The following ASTN2 variants were observed in gnomAD, a reference collection of about 807,000 sequenced individuals.
ASTN2 encodes the protein astrotactin-2.
Under a neutral mutation model 139.8 loss-of-function variants are expected in ASTN2, and 54 were observed. The observed-to-expected ratio is 0.39, with a 90% CI of 0.31 to 0.48. The LOEUF (loss-of-function observed/expected upper bound fraction) is 0.48. Ranked by LOEUF, ASTN2 falls within the 20% of genes least tolerant of loss-of-function variation. The probability of loss-of-function intolerance (pLI) is 0.95; values close to 1 mark genes in which losing one functional copy is unlikely to be tolerated. For missense variants in ASTN2, 1,565 were observed against 1,725.1 expected, an observed-to-expected ratio of 0.91 and a Z score of 1.64; for synonymous variants, 756 against 719.5, an observed-to-expected ratio of 1.05 and a Z score of -0.81.
chr9:117,022,538 CT>C (rs1837914859), intron 6 of ASTN2, among the ~76,000 whole-genome samples: 1 of 152,006 alleles, frequency 6.6e-6, no homozygotes, highest in African/African-American at 2.4e-5. Context: ...GGAAAGTGCC[CT>C]GAGATTCTCC....
chr9:117,225,442 CG>C (rs1832673249), intron 2 of ASTN2, among the ~76,000 whole-genome samples: 1 of 149,888 alleles, frequency 6.7e-6, no homozygotes, highest in South Asian at 2.1e-4. Context: ...GGGCCAGGCA[CG>C]GTGGCTCACG....
chr9:116,557,837 A>C (rs1347516259), intron 19 of ASTN2, among the ~76,000 whole-genome samples: 1 of 152,232 alleles, frequency 6.6e-6, no homozygotes, highest in Non-Finnish European at 1.5e-5. Context: ...ATAAAACTTC[A>C]TAACAAACAA....
intron 1 of ASTN2, among the ~76,000 whole-genome samples, chr9:117,322,012 G>C (rs1000161920): frequency 6.6e-6 from 1 of 152,066 alleles, no homozygotes; most frequent in Non-Finnish European, 1.5e-5. Context: ...AAAAAGCCAT[G>C]GTGTCTTTCA....
chr9:116,885,950 G>A (rs1162306073), intron 10 of ASTN2, among the ~76,000 whole-genome samples: 1 of 152,194 alleles, frequency 6.6e-6, no homozygotes, highest in Non-Finnish European at 1.5e-5. Context: ...TTAGGTTTAT[G>A]CAGGAAAATA....
intron 13 of ASTN2, among the ~76,000 whole-genome samples, chr9:116,738,083 T>G (rs1412416074): frequency 6.6e-6 from 1 of 150,962 alleles, no homozygotes; most frequent in African/African-American, 2.4e-5. Context: ...TCCCAGCTAC[T>G]CGGGAGGCTG....
chr9:117,024,129 C>A (rs781169052), intron 6 of ASTN2, among the ~76,000 whole-genome samples: 22 of 152,122 alleles, frequency 1.4e-4, no homozygotes, highest in Non-Finnish European at 2.9e-4. Flanking sequence ...TCTGTCCAAG[C>A]CCAACTTACC....
intron 16 of ASTN2, chr9:116,687,329 AGGCAGG>A: frequency 3.1e-6 from 3 of 953,934 alleles, no homozygotes; most frequent in Non-Finnish European, 3.7e-6. Context: ...GCGCAGAGGG[AGGCAGG>A]CGGGTGGGCT....
chr9:116,753,424 G>A (rs1303889213), intron 13 of ASTN2, among the ~76,000 whole-genome samples: 1 of 152,158 alleles, frequency 6.6e-6, no homozygotes, highest in African/African-American at 2.4e-5. Context: ...TATTCTGTAT[G>A]ATACTATCAT....
intron 13 of ASTN2, among the ~76,000 whole-genome samples, chr9:116,734,538 A>G (rs1389627727): frequency 6.6e-6 from 1 of 152,162 alleles, no homozygotes; most frequent in African/African-American, 2.4e-5. Context: ...AGAAATTCCC[A>G]GCATTAAAGA....
rs11271769 is a variant in ASTN2 at position 117,003,530 on chromosome 9, G to GGTGTGTGTGTGTGT, written c.1591+4548_1591+4561dup. Among the ~76,000 whole-genome samples the GGTGTGTGTGTGTGT allele has an allele frequency of 5.9e-3, 614 of 103,274 alleles. 49 individuals carry two copies. Among genetic ancestry groups the GGTGTGTGTGTGTGT allele is most frequent in the East Asian group, 0.017 (56 of 3,314 alleles). 67.8% of individuals were successfully genotyped at this position (103,274 alleles called of 152,430 possible). ...AGTGATATTTCCAGCTCTAAAGAGT[G>GGTGTGTGTGTGTGT]GTGTGTGTGTGTGTGTGTGTGTGTA... On this transcript the variant is annotated intron_variant, in intron 7 of 22. Coordinates refer to ENST00000313400, the MANE Select transcript of ASTN2 (RefSeq NM_001365068.1).
intron 4 of ASTN2, among the ~76,000 whole-genome samples, chr9:117,119,349 T>C (rs572501230): frequency 6.9e-4 from 105 of 152,296 alleles, no homozygotes; most frequent in Middle Eastern, 6.8e-3. Context: ...CCCAATTGCT[T>C]CTGAGTTTGC....
At chr9:116,656,354 A>G (rs1362450842) in intron 16 of ASTN2, among the ~76,000 whole-genome samples, 1 of 152,220 alleles carries the variant, frequency 6.6e-6, no homozygotes, top group African/African-American at 2.4e-5. Flanking sequence ...TGCTCTAATC[A>G]AAAGGTCAAC....
chr9:116,524,829 C>T (rs532527263), intron 19 of ASTN2, among the ~76,000 whole-genome samples: 2 of 152,282 alleles, frequency 1.3e-5, no homozygotes, highest in African/African-American at 4.8e-5. Context: ...CCTGTTCTGT[C>T]TCTAAGCAGC....
At chr9:116,937,190 T>A (rs573031494) in intron 10 of ASTN2, among the ~76,000 whole-genome samples, 14 of 152,246 alleles carry the variant, frequency 9.2e-5, no homozygotes, top group Middle Eastern at 3.4e-3. Flanking sequence ...AATGCTTTCA[T>A]GGTTTCAGAT....
rs141298011 is a variant in ASTN2 at position 116,828,849 on chromosome 9, A to G, written c.2041-8066T>C. ...TTTCAAGATAAAAAATAAGATGCAG[A>G]AATCAGTAGCATTTCTATACACCAA... On this transcript the variant is annotated intron_variant, in intron 11 of 22. Coordinates refer to ENST00000313400, the MANE Select transcript of ASTN2 (RefSeq NM_001365068.1). 4.8e-3 allele frequency among the ~76,000 whole-genome samples: 736 copies of G among 152,318 alleles called. 6 individuals are homozygous for G. Among genetic ancestry groups the G allele is most frequent in the African/African-American group, 0.017 (711 of 41,578 alleles).
chr9:117,276,007 C>T (rs1834179864), intron 2 of ASTN2, among the ~76,000 whole-genome samples: 1 of 152,072 alleles, frequency 6.6e-6, no homozygotes, highest in Non-Finnish European at 1.5e-5. Flanking sequence ...ATAATATCTG[C>T]CATTCTGACT....
chr9:116,805,111 T>A (rs1830996103), intron 13 of ASTN2, among the ~76,000 whole-genome samples: 2 of 132,842 alleles, frequency 1.5e-5, no homozygotes, highest in African/African-American at 6.9e-5. Flanking sequence ...ATTTGGGGAG[T>A]GTGTGTGTGT....
chr9:117,140,691 G>A (rs1452702733), intron 4 of ASTN2, among the ~76,000 whole-genome samples: 4 of 151,484 alleles, frequency 2.6e-5, no homozygotes, highest in Non-Finnish European at 5.9e-5. Flanking sequence ...GAAGGAGAAG[G>A]AGAAGAAGCA....
At chr9:117,098,965 G>A (rs1456202658) in intron 4 of ASTN2, among the ~76,000 whole-genome samples, 1 of 151,722 alleles carries the variant, frequency 6.6e-6, no homozygotes, top group African/African-American at 2.4e-5. Context: ...AAAATTAGCC[G>A]GGTGTGGCAG....
Sources: allele counts gnomAD v4.1 joint callset (sites outside exome capture counted in the v4.1 genomes callset), GRCh38; gene constraint gnomAD v4.1.1; transcripts MANE v1.5; gene names NCBI Gene and HGNC (gene_info 2026-07-23, HGNC 2026-07-21).